The following PUS7 variants were observed in gnomAD, a reference collection of about 807,000 sequenced individuals.
PUS7 encodes the protein pseudouridine synthase 7.
A neutral mutation model predicts 79.8 loss-of-function variants in PUS7; 48 were observed. The observed-to-expected ratio is 0.60, with a 90% CI of 0.48 to 0.76. The LOEUF (loss-of-function observed/expected upper bound fraction) is 0.76. Among genes scored for constraint, PUS7 ranks in the 30% least tolerant of loss-of-function variants. The pLI is 0.00. For missense variants in PUS7, 729 were observed against 797.6 expected (o/e 0.91, Z 1.04); for synonymous variants, 286 against 272.2 (o/e 1.05, Z -0.50).
At chr7:105,492,598 C>T (rs1415955491) in intron 6 of PUS7, among the ~76,000 whole-genome samples, 3 of 147,624 alleles carry the variant, frequency 2.0e-5, no homozygotes, top group East Asian at 2.0e-4. Flanking sequence ...CTCCGCCTCC[C>T]GGGTTCACGC....
chr7:105,483,541 C>T (rs959819697), intron 7 of PUS7, among the ~76,000 whole-genome samples: 1 of 152,174 alleles, frequency 6.6e-6, no homozygotes, highest in African/African-American at 2.4e-5. Flanking sequence ...TCAGGTGATC[C>T]ACCCACATTG....
intron 5 of PUS7, among the ~76,000 whole-genome samples, chr7:105,501,972 ATAT>A (rs1562813325): frequency 0.013 from 727 of 56,816 alleles, 7 homozygotes; most frequent in African/African-American, 0.038. Flanking sequence ...AAAAAAAAAT[ATAT>A]ATATATATAT....
chr7:105,512,650 G>C (rs917787382), intron 1 of PUS7, among the ~76,000 whole-genome samples: 3 of 152,182 alleles, frequency 2.0e-5, no homozygotes, highest in African/African-American at 4.8e-5. Context: ...TACAAGGAGA[G>C]TCTGGGGTTA....
At chr7:105,476,151 T>C (rs947373708) in intron 9 of PUS7, among the ~76,000 whole-genome samples, 8 of 148,124 alleles carry the variant, frequency 5.4e-5, no homozygotes, top group African/African-American at 2.0e-4. Context: ...AAAAAAAAAT[T>C]CCTCCTTTGA....
At chr7:105,475,253 T>C (rs1824043354) in intron 9 of PUS7, among the ~76,000 whole-genome samples, 1 of 152,166 alleles carries the variant, frequency 6.6e-6, no homozygotes, top group Non-Finnish European at 1.5e-5. Flanking sequence ...TGGCACGATC[T>C]CGGCTCACTG....
At chr7:105,466,844 G>A (rs1340212652) in intron 12 of PUS7, among the ~76,000 whole-genome samples, 1 of 151,878 alleles carries the variant, frequency 6.6e-6, no homozygotes, top group Non-Finnish European at 1.5e-5. Context: ...GACCAACATG[G>A]CATGAGGAAA....
intron 5 of PUS7, among the ~76,000 whole-genome samples, chr7:105,500,954 G>A (rs1331487968): frequency 6.6e-6 from 1 of 152,180 alleles, no homozygotes; most frequent in African/African-American, 2.4e-5. Flanking sequence ...AGCAGTTCCA[G>A]GACACATCAT....
intron 9 of PUS7, 101 bp from the exon 10 acceptor site, chr7:105,472,294 G>C: frequency 1.4e-6 from 1 of 700,414 alleles, no homozygotes; most frequent in Non-Finnish European, 2.4e-6. Flanking sequence ...ACTATACACC[G>C]AAGCCTTGAC....
chr7:105,477,439 G>A (rs796984631), intron 9 of PUS7, among the ~76,000 whole-genome samples: 21 of 151,890 alleles, frequency 1.4e-4, no homozygotes, highest in African/African-American at 4.3e-4. Flanking sequence ...TAGTAGAGGC[G>A]GGATTTCACT....
chr7:105,465,912 C>T (rs188586708), intron 12 of PUS7, among the ~76,000 whole-genome samples: 195 of 152,256 alleles, frequency 1.3e-3, no homozygotes, highest in African/African-American at 4.5e-3. Flanking sequence ...AATCCCAGCA[C>T]TCTGGGATGC....
At chr7:105,459,052 C>A in intron 15 of PUS7, 116 bp downstream of exon 15, 1 of 541,994 alleles carries the variant, frequency 1.8e-6, no homozygotes, top group Non-Finnish European at 3.2e-6. Context: ...TAAAACACAA[C>A]AATGAAATCA....
intron 1 of PUS7, among the ~76,000 whole-genome samples, chr7:105,520,810 G>A (rs1451214956): frequency 1.3e-5 from 2 of 152,110 alleles, no homozygotes; most frequent in Non-Finnish European, 1.5e-5. Flanking sequence ...GGTCAAAGCA[G>A]GAGGATTGCT....
At position 105,492,666 on chromosome 7, in the gene PUS7, C is replaced by A. The variant is rs539838388; in HGVS notation, c.843-1049G>T. On this transcript the variant is annotated intron_variant, in intron 6 of 15. Transcript: ENST00000469408. ...GACTACAGGCGCCCGCCACTACGCC[C>A]GGCTAATTTTTTGTATTTTTAGTAG... is the stretch of plus-strand genomic sequence containing the variant. 6.1e-4 allele frequency among the ~76,000 whole-genome samples: 92 copies of A among 151,608 alleles called. 1 individual carries two copies. In the South Asian group the frequency reaches 0.018, roughly 30 times the overall value.
At chr7:105,468,573 A>G (rs899332194) in intron 11 of PUS7, 110 bp from the exon 12 acceptor site, 2 of 971,464 alleles carry the variant, frequency 2.1e-6, no homozygotes, top group African/African-American at 3.3e-5. Context: ...GCTGGAGTGC[A>G]GTGGCACGAT....
chr7:105,474,475 A>T (rs1194592743), intron 9 of PUS7, among the ~76,000 whole-genome samples: 2 of 152,118 alleles, frequency 1.3e-5, no homozygotes, highest in Non-Finnish European at 2.9e-5. Flanking sequence ...TTACACTAAA[A>T]AACCTTTGTT....
chr7:105,488,403 A>T lies in PUS7; in HGVS notation c.920+3137T>A, dbSNP rs1419905602. Among the ~76,000 whole-genome samples the T allele has an allele frequency of 3.3e-5, 5 of 151,876 alleles. No individual in the cohort carries two copies. In the East Asian group the frequency reaches 9.7e-4, roughly 29 times the overall value. ...GCAGGATAATTAGGCTTTGCTATTA[A>T]AAAAAAAGAGAGAGAGAATTTCTCT... On this transcript the variant is annotated intron_variant, in intron 7 of 15. Coordinates refer to ENST00000469408, the MANE Select transcript of PUS7 (RefSeq NM_019042.5).
chr7:105,462,661 C>T lies in PUS7; in HGVS notation c.1717G>A (p.Ala573Thr). Reference sequence around the variant, plus strand: ...GGACGAATAATGATCTTTCGGTAGGCCCCTGACAAGGAATAATCTCGAATT... The same window carrying T: ...GGACGAATAATGATCTTTCGGTAGGTCCCTGACAAGGAATAATCTCGAATT... Reference protein sequence around the residue: ...HKIRDYSLSGAYRKIIIRPQN... With the variant: ...HKIRDYSLSGTYRKIIIRPQN... The change falls in exon 14 of 16, where the codon GCC becomes ACC. Residue 573 changes from alanine (A) to threonine (T), a missense_variant. Transcript: ENST00000469408. The T allele has an allele frequency of 6.2e-7, 1 of 1,613,834 alleles. No homozygotes were observed. Among genetic ancestry groups the T allele is most frequent in the Non-Finnish European group, 8.5e-7 (1 of 1,179,938 alleles).
intron 12 of PUS7, among the ~76,000 whole-genome samples, chr7:105,465,780 C>T (rs2133054182): frequency 6.6e-6 from 1 of 152,150 alleles, no homozygotes; most frequent in South Asian, 2.1e-4. Context: ...TTGCGGTGAG[C>T]TGAGATCAAG....
rs892377698 is a variant in PUS7 at position 105,468,521 on chromosome 7, ACTT to A, written c.1399-61_1399-59del. ...ATATTCTAAATATAAAAAGTGCTGT[ACTT>A]TTTTTTTTTTTGAGATGGGGTCTTG... is the stretch of plus-strand genomic sequence containing the variant. On this transcript the variant is annotated intron_variant, in intron 11 of 15. Transcript: ENST00000469408. 4 of 1,427,818 alleles carry A rather than the reference ACTT, an allele frequency of 2.8e-6. No individual in the cohort carries two copies. The African/African-American group carries it at 4.4e-5, about 16-fold the overall frequency. The allele number at this position is 1,427,818 out of a possible 1,614,324, so 88.4% of individuals were successfully genotyped here. A position where few individuals can be genotyped will look rare whatever the true frequency, so the allele number is the denominator to read the frequency against.
Sources: allele counts gnomAD v4.1 joint callset (sites outside exome capture counted in the v4.1 genomes callset), GRCh38; gene constraint gnomAD v4.1.1; transcripts MANE v1.5; gene names NCBI Gene and HGNC (gene_info 2026-07-23, HGNC 2026-07-21).